Variants in RHPN2 observed in about 807,000 individuals in gnomAD.
RHPN2 encodes the protein rhophilin Rho GTPase binding protein 2, also known as rhophilin-2.
RHPN2 carries 40 observed loss-of-function variants against 79.0 expected under a neutral mutation model. The ratio of observed to expected loss-of-function variants is 0.51; its 90% CI spans 0.39 to 0.66. The LOEUF is 0.66. Ranked by LOEUF, RHPN2 falls within the 30% of genes least tolerant of loss-of-function variation. The pLI is 0.00. For missense variants in RHPN2, 686 were observed against 883.5 expected (o/e 0.78, Z 2.83); for synonymous variants, 285 against 363.5 (o/e 0.78, Z 2.46).
At chr19:33,024,865 C>A (rs1457373502) in intron 3 of RHPN2, among the ~76,000 whole-genome samples, 1 of 152,136 alleles carries the variant, frequency 6.6e-6, no homozygotes, top group African/African-American at 2.4e-5. Flanking sequence ...GATCTTCCCA[C>A]CTCAGCCTTC....
At chr19:33,047,327 ATTTC>A (rs1385329468) in intron 1 of RHPN2, among the ~76,000 whole-genome samples, 10 of 152,158 alleles carry the variant, frequency 6.6e-5, no homozygotes, top group Non-Finnish European at 1.5e-5. Flanking sequence ...TGACACTTTA[ATTTC>A]TTTTTCAACA....
intron 1 of RHPN2, among the ~76,000 whole-genome samples, chr19:33,056,054 G>T (rs1019543871): frequency 6.6e-6 from 1 of 151,576 alleles, no homozygotes; most frequent in Non-Finnish European, 1.5e-5. Context: ...CAATGGCCCT[G>T]GGGAAAGGCT....
intron 7 of RHPN2, among the ~76,000 whole-genome samples, chr19:33,005,446 C>T (rs551987459): frequency 1.5e-4 from 23 of 150,044 alleles, no homozygotes; most frequent in Non-Finnish European, 2.4e-4. Flanking sequence ...AATCTCAATC[C>T]GTCTGCTCCA....
At chr19:33,036,770 C>T (rs1250335190) in intron 2 of RHPN2, among the ~76,000 whole-genome samples, 2 of 152,202 alleles carry the variant, frequency 1.3e-5, no homozygotes, top group African/African-American at 4.8e-5. Context: ...CAGTGAGGGG[C>T]TTAGCACCTG....
chr19:33,033,094 GGAC>G (rs1322280935), intron 2 of RHPN2, among the ~76,000 whole-genome samples: 2 of 152,102 alleles, frequency 1.3e-5, no homozygotes, highest in Non-Finnish European at 2.9e-5. Flanking sequence ...AATTCCTAGA[GGAC>G]AAGCCTTCTT....
chr19:33,049,622 C>T (rs1004033764), intron 1 of RHPN2, among the ~76,000 whole-genome samples: 1 of 152,150 alleles, frequency 6.6e-6, no homozygotes. Context: ...CGGACATTTC[C>T]GTCAGTCCCG....
intron 1 of RHPN2, among the ~76,000 whole-genome samples, chr19:33,057,757 A>G (rs1006692439): frequency 6.6e-6 from 1 of 152,000 alleles, no homozygotes; most frequent in African/African-American, 2.4e-5. Flanking sequence ...ACCAGCCCAG[A>G]CCAGGAGATC....
intron 2 of RHPN2, among the ~76,000 whole-genome samples, chr19:33,029,436 G>A (rs1290213072): frequency 6.7e-6 from 1 of 149,746 alleles, no homozygotes; most frequent in Non-Finnish European, 1.5e-5. Flanking sequence ...TGAGGCAGGA[G>A]AATGGCGTGA....
chr19:33,053,417 C>CA (rs1568327181), intron 1 of RHPN2, among the ~76,000 whole-genome samples: 1 of 144,234 alleles, frequency 6.9e-6, no homozygotes, highest in Non-Finnish European at 1.5e-5. Flanking sequence ...ACAGTTTTAA[C>CA]AGTTTTGCTT....
At chr19:33,000,735 G>A (rs1314504324) in intron 9 of RHPN2, among the ~76,000 whole-genome samples, 2 of 151,892 alleles carry the variant, frequency 1.3e-5, no homozygotes, top group African/African-American at 2.4e-5. Flanking sequence ...AGCACCCTCC[G>A]CCTCTGTTCT....
At chr19:33,037,612 A>G (rs558716073) in intron 2 of RHPN2, among the ~76,000 whole-genome samples, 2 of 151,890 alleles carry the variant, frequency 1.3e-5, no homozygotes, top group South Asian at 4.2e-4. Flanking sequence ...GGAGGAAGGA[A>G]CAACTCCAGA....
intron 3 of RHPN2, among the ~76,000 whole-genome samples, chr19:33,023,237 C>T (rs552350524): frequency 2.6e-5 from 4 of 151,936 alleles, no homozygotes; most frequent in Non-Finnish European, 5.9e-5. Context: ...GAGTTCAAGA[C>T]CAGCCTGGCC....
chr19:33,048,764 A>G (rs1479434135), intron 1 of RHPN2, among the ~76,000 whole-genome samples: 1 of 148,220 alleles, frequency 6.7e-6, no homozygotes, highest in African/African-American at 2.5e-5. Flanking sequence ...TTAAGCTATT[A>G]TAATTAAATA....
intron 2 of RHPN2, among the ~76,000 whole-genome samples, chr19:33,037,950 C>T (rs1025050313): frequency 6.6e-6 from 1 of 152,118 alleles, no homozygotes; most frequent in Non-Finnish European, 1.5e-5. Flanking sequence ...CAGCTGTCAT[C>T]GCAGCACTCT....
chr19:33,054,193 CTTTGT>C (rs1972212783), intron 1 of RHPN2, among the ~76,000 whole-genome samples: 1 of 131,318 alleles, frequency 7.6e-6, no homozygotes, highest in Admixed American at 8.6e-5. Flanking sequence ...CTTTTTTCTT[CTTTGT>C]TTTTTTTTTT....
intron 4 of RHPN2, among the ~76,000 whole-genome samples, chr19:33,014,595 T>C (rs896360558): frequency 6.0e-5 from 9 of 149,022 alleles, no homozygotes; most frequent in Non-Finnish European, 1.2e-4. Flanking sequence ...CATGAGCCAC[T>C]GCACCCAGCT....
intron 11 of RHPN2, 80 bp from the exon 12 acceptor site, chr19:32,994,133 C>T (rs945002249): frequency 1.3e-5 from 13 of 1,038,224 alleles, no homozygotes; most frequent in East Asian, 5.1e-5. Context: ...TTGTGGCTCA[C>T]GCCTGTAATC....
intron 1 of RHPN2, among the ~76,000 whole-genome samples, chr19:33,052,749 C>T (rs1237108893): frequency 1.3e-5 from 2 of 152,204 alleles, no homozygotes; most frequent in Non-Finnish European, 2.9e-5. Flanking sequence ...TACTTGTCAA[C>T]AGCCCTCCTG....
At chr19:32,982,785 C>T (rs1197733456) in intron 14 of RHPN2, among the ~76,000 whole-genome samples, 3 of 152,082 alleles carry the variant, frequency 2.0e-5, no homozygotes, top group African/African-American at 7.2e-5. Context: ...TGCTGGAGGA[C>T]ACTCACCAAG....
Sources: allele counts gnomAD v4.1 joint callset (sites outside exome capture counted in the v4.1 genomes callset), GRCh38; gene constraint gnomAD v4.1.1; transcripts MANE v1.5; gene names NCBI Gene and HGNC (gene_info 2026-07-23, HGNC 2026-07-21).